Variants in IL1RAPL1 observed in about 807,000 individuals in gnomAD.
The protein encoded by IL1RAPL1 is interleukin 1 receptor accessory protein like 1.
IL1RAPL1 carries 3 observed loss-of-function variants against 48.4 expected under a neutral mutation model. The ratio of observed to expected loss-of-function variants is 0.06; its 90% CI spans 0.03 to 0.16. IL1RAPL1 has a LOEUF of 0.16. Among genes scored for constraint, IL1RAPL1 ranks in the 10% least tolerant of loss-of-function variants. The pLI is 1.00. For synonymous variants in IL1RAPL1, 185 were observed against 187.7 expected, an observed-to-expected ratio of 0.99 and a Z score of 0.12; for missense variants, 349 against 530.6, an observed-to-expected ratio of 0.66 and a Z score of 3.36.
intron 3 of IL1RAPL1, among the ~76,000 whole-genome samples, chrX:29,292,394 T>G (rs1347477428): frequency 9.0e-6 from 1 of 111,590 alleles, no homozygotes; most frequent in Non-Finnish European, 1.9e-5. Context: ...AAATAAAAAC[T>G]AATAAAGTGT....
At chrX:29,469,792 A>T (rs927083082) in intron 5 of IL1RAPL1, among the ~76,000 whole-genome samples, 2 of 112,057 alleles carry the variant, frequency 1.8e-5, no homozygotes, top group African/African-American at 6.5e-5. Flanking sequence ...TTTATTTGGC[A>T]TTAATCAGAA....
At chrX:28,682,581 A>C (rs1203302926) in intron 1 of IL1RAPL1, among the ~76,000 whole-genome samples, 1 of 111,511 alleles carries the variant, frequency 9.0e-6, no homozygotes, top group African/African-American at 3.3e-5. Context: ...GCCCCTGTTC[A>C]CAATTCTTTA....
chrX:29,199,574 A>G (rs1001133782), intron 2 of IL1RAPL1, among the ~76,000 whole-genome samples: 4 of 111,233 alleles, frequency 3.6e-5, no homozygotes, highest in Non-Finnish European at 5.7e-5. Context: ...ATCAGGCATT[A>G]CTAAGATTCT....
chrX:29,149,676 C>A (rs1242010269), intron 2 of IL1RAPL1, among the ~76,000 whole-genome samples: 1 of 111,662 alleles, frequency 9.0e-6, no homozygotes, highest in Admixed American at 9.6e-5. Flanking sequence ...CAAAGCCAGG[C>A]CTAAACCTGG....
intron 5 of IL1RAPL1, among the ~76,000 whole-genome samples, chrX:29,413,461 G>A (rs1343730523): frequency 9.2e-6 from 1 of 108,565 alleles, no homozygotes; most frequent in Non-Finnish European, 1.9e-5. Context: ...CCATTAACTC[G>A]TCATTTAACA....
chrX:28,786,607 T>A (rs1936477864), intron 1 of IL1RAPL1, among the ~76,000 whole-genome samples: 1 of 112,207 alleles, frequency 8.9e-6, no homozygotes, highest in Admixed American at 9.5e-5. Flanking sequence ...AGAGGTTATT[T>A]GTTCCAAATC....
chrX:28,763,428 A>G (rs1395060262), intron 1 of IL1RAPL1, among the ~76,000 whole-genome samples: 1 of 112,107 alleles, frequency 8.9e-6, no homozygotes, highest in South Asian at 3.7e-4. Context: ...ATAATTTACT[A>G]GAATTGAAAT....
chrX:28,689,583 T>C (rs969912483), intron 1 of IL1RAPL1, among the ~76,000 whole-genome samples: 1 of 111,971 alleles, frequency 8.9e-6, no homozygotes, highest in African/African-American at 3.3e-5. Flanking sequence ...TATTTAAAAA[T>C]ATTTTTACTA....
chrX:29,774,120 C>G (rs1929133961), intron 6 of IL1RAPL1, among the ~76,000 whole-genome samples: 1 of 110,466 alleles, frequency 9.1e-6, no homozygotes, highest in African/African-American at 3.3e-5. Context: ...TCCTACTTCT[C>G]TTCCTCCTTC....
chrX:28,763,851 A>G (rs1047894549), intron 1 of IL1RAPL1, among the ~76,000 whole-genome samples: 5 of 111,044 alleles, frequency 4.5e-5, no homozygotes, highest in Non-Finnish European at 7.5e-5. Context: ...AGAAAACAGC[A>G]ATCTGTTCAA....
At chrX:29,337,541 C>T (rs749195495) in intron 3 of IL1RAPL1, among the ~76,000 whole-genome samples, 2 of 111,647 alleles carry the variant, frequency 1.8e-5, no homozygotes, top group South Asian at 3.8e-4. Flanking sequence ...AGAGAAGTAC[C>T]TTTACCTCAG....
chrX:29,451,200 T>A (rs1480256411), intron 5 of IL1RAPL1, among the ~76,000 whole-genome samples: 4 of 108,549 alleles, frequency 3.7e-5, no homozygotes, highest in African/African-American at 1.0e-4. Context: ...ATTTTATTTT[T>A]TTTTTGAGAA....
intron 2 of IL1RAPL1, among the ~76,000 whole-genome samples, chrX:28,816,537 G>A (rs1936873678): frequency 9.0e-6 from 1 of 110,828 alleles, no homozygotes; most frequent in Non-Finnish European, 1.9e-5. Flanking sequence ...TTAAGATAAT[G>A]GCCGCCAGCT....
chrX:29,726,631 G>C (rs1208277761), intron 6 of IL1RAPL1, among the ~76,000 whole-genome samples: 1 of 111,964 alleles, frequency 8.9e-6, no homozygotes, highest in East Asian at 2.8e-4. Flanking sequence ...AGGATAGGGA[G>C]AGGCTTTAAT....
intron 6 of IL1RAPL1, among the ~76,000 whole-genome samples, chrX:29,801,045 CAAAAAAAAAAAAAAAAAAAAAAA>C (rs60240258): frequency 4.5e-4 from 1 of 2,211 alleles, no homozygotes; most frequent in Non-Finnish European, 9.9e-4. Flanking sequence ...CTCTCCGTCT[CAAAAAAAAAAAAAAAAAAAAAAA>C]AAAAAAAAAA....
At chrX:29,391,814 TAGA>T (rs1486873766) in intron 3 of IL1RAPL1, among the ~76,000 whole-genome samples, 14 of 111,968 alleles carry the variant, frequency 1.3e-4, no homozygotes, top group African/African-American at 4.2e-4. Flanking sequence ...CCCTAGCTTA[TAGA>T]AGAGACCAGT....
At chrX:29,918,939 A>G (rs1007885414) in intron 7 of IL1RAPL1, among the ~76,000 whole-genome samples, 1 of 112,401 alleles carries the variant, frequency 8.9e-6, no homozygotes, top group Non-Finnish European at 1.9e-5. Context: ...ACTTCTAAAC[A>G]TACTCCCATC....
At chrX:28,885,043 AAG>A (rs2147316059) in intron 2 of IL1RAPL1, among the ~76,000 whole-genome samples, 1 of 111,659 alleles carries the variant, frequency 9.0e-6, no homozygotes, top group Admixed American at 9.6e-5. Flanking sequence ...AACTGGTAAA[AAG>A]AGAATTTTAA....
chrX:29,954,439 A>T, intron 9 of IL1RAPL1, 83 bp from the exon 10 acceptor site: 1 of 804,845 alleles, frequency 1.2e-6, no homozygotes, highest in South Asian at 2.2e-5. Flanking sequence ...GGAGACGTTT[A>T]TGAAAAAAAG....
Sources: allele counts gnomAD v4.1 joint callset (sites outside exome capture counted in the v4.1 genomes callset), GRCh38; gene constraint gnomAD v4.1.1; transcripts MANE v1.5; gene names NCBI Gene and HGNC (gene_info 2026-07-23, HGNC 2026-07-21).